The following TTC7A variants were observed in gnomAD, a reference collection of about 807,000 sequenced individuals.
The protein encoded by TTC7A is tetratricopeptide repeat protein 7A.
Under a neutral mutation model 103.7 loss-of-function variants are expected in TTC7A, and 110 were observed. The ratio of observed to expected loss-of-function variants is 1.06; its 90% CI spans 0.91 to 1.24. The LOEUF (loss-of-function observed/expected upper bound fraction) is 1.24. Ranked by LOEUF, TTC7A falls within the 50% of genes most tolerant of loss-of-function variation. The pLI, the probability that TTC7A is intolerant of heterozygous loss-of-function variation, is 0.00. For missense variants in TTC7A, 1,340 were observed against 1,116.3 expected, an observed-to-expected ratio of 1.20 and a Z score of -2.86; for synonymous variants, 521 against 467.9, an observed-to-expected ratio of 1.11 and a Z score of -1.47.
In TTC7A at chr2:47,074,044, A is replaced by G. The variant is rs879600447; in HGVS notation, c.*121A>G. The stretch of plus-strand genomic sequence containing the variant: ...CCTCAGGGAAATACATCTTTAGTGA[A>G]CGCCTCTGCAGCTGCAGCCCTCGTT... On this transcript the variant is annotated 3_prime_UTR_variant, in exon 20 of 20. Coordinates refer to ENST00000319190, the MANE Select transcript of TTC7A (RefSeq NM_020458.4). The G allele has an allele frequency of 1.5e-5, 11 of 718,018 alleles. No individual in the cohort carries two copies. Among genetic ancestry groups the G allele is most frequent in the Non-Finnish European group, 2.3e-5 (10 of 437,714 alleles). The allele number at this position is 718,018 out of a possible 1,614,324, so 44.5% of individuals were successfully genotyped here.
intron 18 of TTC7A, among the ~76,000 whole-genome samples, chr2:47,052,900 G>C (rs913478249): frequency 3.3e-5 from 5 of 152,158 alleles, no homozygotes; most frequent in Admixed American, 6.5e-5. Flanking sequence ...GGGGGAGTTG[G>C]AGAAGAAACC....
chr2:46,998,766 G>A (rs1184580131), intron 8 of TTC7A, among the ~76,000 whole-genome samples: 1 of 152,164 alleles, frequency 6.6e-6, no homozygotes. Flanking sequence ...TTGTTTTGTG[G>A]TTTGGAACTC....
At chr2:46,963,728 G>T (rs1240238722) in intron 3 of TTC7A, among the ~76,000 whole-genome samples, 1 of 148,924 alleles carries the variant, frequency 6.7e-6, no homozygotes, top group South Asian at 2.1e-4. Flanking sequence ...AGGCATAGCT[G>T]AATCCGGGGG....
In TTC7A at chr2:46,971,684, G is replaced by C. The variant is rs143040648; in HGVS notation, c.518-3289G>C. On this transcript the variant is annotated intron_variant, in intron 3 of 19. Coordinates refer to ENST00000319190, the MANE Select transcript of TTC7A (RefSeq NM_020458.4). The stretch of plus-strand genomic sequence containing the variant: ...GGAAGAGAGGAAGGGAAGGTTTGAA[G>C]TGCTGAGGACTTGGTCATTAGGTGG... Among the ~76,000 whole-genome samples, 52 of 152,208 alleles carry C rather than the reference G, an allele frequency of 3.4e-4. No homozygotes were observed. In the East Asian group the frequency reaches 9.7e-3, roughly 28 times the overall value.
intron 3 of TTC7A, among the ~76,000 whole-genome samples, chr2:46,958,264 G>A (rs1238809262): frequency 6.6e-6 from 1 of 152,252 alleles, no homozygotes; most frequent in Non-Finnish European, 1.5e-5. Flanking sequence ...GATGGTCACT[G>A]TGGGTGGTCT....
rs376564187 is a variant in TTC7A, at chr2:46,993,523, A to G, written c.838A>G (p.Lys280Glu). The change falls in exon 6 of 20, where the codon AAA (lysine) becomes GAA (glutamate). Residue 280 changes from lysine (K) to glutamate (E), a missense_variant. By Grantham distance (56) the Lys-to-Glu change is moderately conservative. Transcript: ENST00000319190. ...GGAGACCAAAGCAACTCAGAACTTCAAAGTGGTAATGTGGGGTGCTGGCAG... is the reference window on the plus strand; with the variant it reads ...GGAGACCAAAGCAACTCAGAACTTCGAAGTGGTAATGTGGGGTGCTGGCAG... Reference protein sequence around the residue: ...TVETKATQNFKVMAAKHLAGV... With the variant: ...TVETKATQNFEVMAAKHLAGV... The G allele has an allele frequency of 4.3e-6, 7 of 1,613,984 alleles. No individual in the cohort carries two copies. The East Asian group carries it at 1.1e-4, about 26-fold the overall frequency.
chr2:46,986,664 C>T (rs1348518455), intron 5 of TTC7A, among the ~76,000 whole-genome samples: 1 of 152,186 alleles, frequency 6.6e-6, no homozygotes, highest in African/African-American at 2.4e-5. Flanking sequence ...GTGGAGCCTG[C>T]TTCCTGCCTG....
At chr2:46,960,032 G>T (rs1224725106) in intron 3 of TTC7A, among the ~76,000 whole-genome samples, 1 of 152,162 alleles carries the variant, frequency 6.6e-6, no homozygotes, top group Non-Finnish European at 1.5e-5. Context: ...TGTCCAGGTG[G>T]TCTGTGCCCA....
At chr2:47,035,086 T>C (rs1476651074) in intron 15 of TTC7A, among the ~76,000 whole-genome samples, 4 of 152,184 alleles carry the variant, frequency 2.6e-5, no homozygotes, top group Non-Finnish European at 4.4e-5. Context: ...TCACCTTTTT[T>C]TCAGGTGGCG....
chr2:46,940,844 G>A (rs1486640101), upstream of TTC7A, among the ~76,000 whole-genome samples: 2 of 152,144 alleles, frequency 1.3e-5, no homozygotes, highest in African/African-American at 2.4e-5. The surrounding 1 kb of genome is among the most constrained non-coding windows in gnomAD (Gnocchi z 4.7). Context: ...CGGGGTTGGG[G>A]CCTGTCGGCC....
At chr2:47,002,541 TG>T (rs1676928550) in intron 8 of TTC7A, among the ~76,000 whole-genome samples, 1 of 149,152 alleles carries the variant, frequency 6.7e-6, no homozygotes, top group African/African-American at 2.5e-5. Flanking sequence ...TCCCAGAGCA[TG>T]GGGGTACACC....
chr2:46,965,179 G>A (rs562723064), intron 3 of TTC7A, among the ~76,000 whole-genome samples: 2 of 152,190 alleles, frequency 1.3e-5, no homozygotes, highest in Non-Finnish European at 2.9e-5. Flanking sequence ...TTCTCTTTTG[G>A]TCAGTGCAAC....
chr2:47,051,901 G>C (rs1031435410), intron 18 of TTC7A, 21 bp downstream of exon 18: 15 of 1,595,054 alleles, frequency 9.4e-6, no homozygotes, highest in Admixed American at 5.1e-5. Context: ...TGGTCCCAGT[G>C]ACACACACAG....
intron 5 of TTC7A, among the ~76,000 whole-genome samples, chr2:46,984,861 G>T (rs1432855935): frequency 6.6e-6 from 1 of 152,172 alleles, no homozygotes; most frequent in East Asian, 1.9e-4. Flanking sequence ...CAAATTTTGG[G>T]GCGTGGAAGG....
chr2:47,051,565 G>C (rs1241225288), intron 17 of TTC7A, among the ~76,000 whole-genome samples, 181 bp from the exon 18 acceptor site: 3 of 152,222 alleles, frequency 2.0e-5, no homozygotes, highest in Non-Finnish European at 4.4e-5. Context: ...AGCTGTGGGT[G>C]AGAGGACATA....
Position 47,046,434 on chromosome 2 carries a change from G to T in TTC7A, c.1919+3G>T, listed in dbSNP as rs764280474. 2 of 1,612,778 alleles carry T rather than the reference G, an allele frequency of 1.2e-6. No homozygotes were observed. Among genetic ancestry groups the T allele is most frequent in the South Asian group, 2.2e-5 (2 of 91,052 alleles). ...CTGTACAGCTTCTCCCAGCTGGGGT[G>T]AGTGGCCGTCATTGTCTCTTGGGTT... On this transcript the variant is annotated splice_donor_region_variant and intron_variant, in intron 16 of 19. Coordinates refer to ENST00000319190, the MANE Select transcript of TTC7A (RefSeq NM_020458.4).
intron 10 of TTC7A, among the ~76,000 whole-genome samples, chr2:47,010,855 A>T (rs72806578): frequency 0.038 from 5,720 of 152,166 alleles, 128 homozygotes; most frequent in African/African-American, 0.046. Context: ...ACACGCCTCC[A>T]CACCTGGCTA....
chr2:47,057,885 C>T (rs376271069), intron 18 of TTC7A, among the ~76,000 whole-genome samples: 32 of 152,318 alleles, frequency 2.1e-4, no homozygotes, highest in African/African-American at 7.2e-4. Context: ...TCAGATGTGG[C>T]ACTTGTCATT....
chr2:46,920,874 A>G (rs1669068423), intron 2 of TTC7A, among the ~76,000 whole-genome samples: 1 of 151,912 alleles, frequency 6.6e-6, no homozygotes, highest in Non-Finnish European at 1.5e-5. Context: ...CTTCAGAGTT[A>G]TTTTCCTTCG....
Sources: gnomAD v4.1 joint callset for allele counts (sites outside exome capture counted in the v4.1 genomes callset) on GRCh38, gnomAD v4.1.1 for gene constraint, Gnocchi (gnomAD v3.1) non-coding constraint, MANE v1.5 for transcripts, NCBI Gene and HGNC (gene_info 2026-07-23, HGNC 2026-07-21) for gene names.